ATP6V1C1: variants seen among roughly 807,000 people sequenced by gnomAD.
The protein encoded by ATP6V1C1 is ATPase H+ transporting V1 subunit C1.
In ATP6V1C1, 45 loss-of-function variants were observed where a neutral mutation model predicts 53.9. The observed-to-expected ratio is 0.83, with a 90% CI of 0.66 to 1.07. The LOEUF (loss-of-function observed/expected upper bound fraction) is 1.07, where lower values mean the gene tolerates loss of function less well. Ranked by LOEUF, ATP6V1C1 falls within the 50% of genes least tolerant of loss-of-function variation. The pLI is 0.00. For synonymous variants in ATP6V1C1, 153 were observed against 155.2 expected, an observed-to-expected ratio of 0.99 and a Z score of 0.11; for missense variants, 315 against 440.3, an observed-to-expected ratio of 0.72 and a Z score of 2.55.
At chr8:103,033,789 A>G (rs1310378640) in intron 1 of ATP6V1C1, among the ~76,000 whole-genome samples, 1 of 152,176 alleles carries the variant, frequency 6.6e-6, no homozygotes, top group Non-Finnish European at 1.5e-5. Context: ...TTCTCTAACT[A>G]CTAAGTGAGT....
chr8:103,040,686 C>T, intron 1 of ATP6V1C1, 112 bp from the exon 2 acceptor site: 1 of 897,224 alleles, frequency 1.1e-6, no homozygotes, highest in South Asian at 2.2e-5. Flanking sequence ...CCTATGCCAA[C>T]ATTAGATTAG....
intron 3 of ATP6V1C1, among the ~76,000 whole-genome samples, chr8:103,047,428 G>GCACACA (rs1377123398): frequency 7.9e-4 from 93 of 117,554 alleles, no homozygotes; most frequent in Middle Eastern, 4.3e-3. Context: ...AAAAATGCGC[G>GCACACA]CGCACACACA....
chr8:103,040,914 T>C lies in ATP6V1C1; in HGVS notation c.78T>C (p.Thr26=). The C allele has an allele frequency of 6.2e-7, 1 of 1,614,094 alleles. No individual in the cohort carries two copies. Among genetic ancestry groups the C allele is most frequent in the Non-Finnish European group, 8.5e-7 (1 of 1,179,988 alleles). Residue 26 remains threonine, a synonymous_variant, in exon 2 of 13, where the codon ACT becomes ACC. Transcript: ENST00000518738. ...CATGGGAGAAATTGCATGCGGCAACTTCAAAGAACAATAATCTTGCTGTCA... is the reference window on the plus strand; with the variant it reads ...CATGGGAGAAATTGCATGCGGCAACCTCAAAGAACAATAATCTTGCTGTCA... ...QQTWEKLHAA[T]SKNNNLAVTS...
rs746653614 is a variant in ATP6V1C1, at chr8:103,042,351, G to A, written c.144G>A (p.Leu48=). Residue 48 remains leucine, a synonymous_variant, in exon 3 of 13, where the codon TTG becomes TTA. Transcript: ENST00000518738. The stretch of plus-strand genomic sequence containing the variant: ...TATTTTCCTTTTAGGTTGGCACGTT[G>A]GATGTCTTGGTTGGCTTGTCAGATG... ...FNIPDLKVGT[L]DVLVGLSDEL... 1 of 1,613,666 alleles carries A rather than the reference G, an allele frequency of 6.2e-7. No homozygotes were observed. Among genetic ancestry groups the A allele is most frequent in the South Asian group, 1.1e-5 (1 of 91,052 alleles).
chr8:103,064,857 T>A (rs1389869717), intron 11 of ATP6V1C1, 46 bp downstream of exon 11: 1 of 1,539,548 alleles, frequency 6.5e-7, no homozygotes. Context: ...AGTTCATAGA[T>A]TCCTTACATT....
intron 12 of ATP6V1C1, among the ~76,000 whole-genome samples, chr8:103,067,077 T>G (rs994372503): frequency 1.3e-5 from 2 of 152,152 alleles, no homozygotes; most frequent in Admixed American, 1.3e-4. Flanking sequence ...ACAGAGTTAC[T>G]TGTGTTTTTT....
At chr8:103,033,945 A>G (rs1816845016) in intron 1 of ATP6V1C1, among the ~76,000 whole-genome samples, 1 of 152,212 alleles carries the variant, frequency 6.6e-6, no homozygotes, top group East Asian at 1.9e-4. Flanking sequence ...GTAGGACTAC[A>G]TATTGGGGAA....
chr8:103,055,781 T>G, intron 7 of ATP6V1C1, 87 bp from the exon 8 acceptor site: 1 of 1,272,516 alleles, frequency 7.9e-7, no homozygotes, highest in Non-Finnish European at 1.1e-6. Context: ...AGATTTCCTA[T>G]TTGTCTCATA....
chr8:103,048,633 T>C (rs1256788085), intron 3 of ATP6V1C1, among the ~76,000 whole-genome samples: 1 of 152,228 alleles, frequency 6.6e-6, no homozygotes, highest in Non-Finnish European at 1.5e-5. Flanking sequence ...AGGAGACACA[T>C]TGCATGTAGT....
In ATP6V1C1 at chr8:103,054,797, A is replaced by G. The variant is rs147576692; in HGVS notation, c.572+815A>G. Among the ~76,000 whole-genome samples, 731 of 152,220 alleles carry G rather than the reference A, an allele frequency of 4.8e-3. 4 individuals are homozygous for G. The highest frequency in any genetic ancestry group is 0.017 in the African/African-American group (689 of 41,558). On this transcript the variant is annotated intron_variant, in intron 7 of 12. Coordinates refer to ENST00000518738, the MANE Select transcript of ATP6V1C1 (RefSeq NM_001695.5). ...CTATCAGGGAATGTTTGGGGGATCC[A>G]AACTCAGGTGGGAGATTTGGGTCTT...
At chr8:103,054,004 G>C (rs1817246175) in intron 7 of ATP6V1C1, 22 bp downstream of exon 7, 2 of 1,550,500 alleles carry the variant, frequency 1.3e-6, no homozygotes, top group South Asian at 2.4e-5. Flanking sequence ...TATTATAAAA[G>C]GTTTTACTTG....
chr8:103,039,675 C>T (rs1375135373), intron 1 of ATP6V1C1, among the ~76,000 whole-genome samples: 1 of 152,048 alleles, frequency 6.6e-6, no homozygotes, highest in African/African-American at 2.4e-5. Context: ...GCTTTACCTA[C>T]CTAGATTCTG....
chr8:103,066,244 G>T, intron 11 of ATP6V1C1, 77 bp from the exon 12 acceptor site: 1 of 1,490,198 alleles, frequency 6.7e-7, no homozygotes, highest in South Asian at 1.3e-5. Flanking sequence ...TAAAGAGTAT[G>T]AGAATATTTG....
At chr8:103,061,570 A>T (rs947470462) in intron 8 of ATP6V1C1, among the ~76,000 whole-genome samples, 11 of 152,160 alleles carry the variant, frequency 7.2e-5, no homozygotes, top group Non-Finnish European at 1.6e-4. Context: ...ACAACCAACA[A>T]AAGGGCACAA....
At chr8:103,059,238 C>T (rs1817349291) in intron 8 of ATP6V1C1, among the ~76,000 whole-genome samples, 1 of 152,146 alleles carries the variant, frequency 6.6e-6, no homozygotes, top group African/African-American at 2.4e-5. Context: ...GGTCTGTTCT[C>T]CTGTCAGTAC....
Position 103,071,619 on chromosome 8 carries a change from GTTTTGTTTTT to G in ATP6V1C1, c.*2873_*2882del, listed in dbSNP as rs1411688825. On this transcript the variant is annotated 3_prime_UTR_variant, in exon 13 of 13. Coordinates refer to ENST00000518738, the MANE Select transcript of ATP6V1C1 (RefSeq NM_001695.5). ...TGCTATTTTTGTTTTGTTTTGTTTT[GTTTTGTTTTT>G]GAGACAAGGTCTTGCTCTGTCACCC... The G allele has an allele frequency of 3.3e-5, 5 of 152,464 alleles. No homozygotes were observed. The allele number at this position is 152,464 out of a possible 1,614,324, so 9.4% of individuals were successfully genotyped here. A position where few individuals can be genotyped will look rare whatever the true frequency, so the allele number is the denominator to read the frequency against.
intron 1 of ATP6V1C1, among the ~76,000 whole-genome samples, chr8:103,039,665 G>A (rs563548044): frequency 1.3e-5 from 2 of 151,994 alleles, no homozygotes; most frequent in South Asian, 4.1e-4. Flanking sequence ...GTGTTTATGT[G>A]CTTTACCTAC....
intron 1 of ATP6V1C1, among the ~76,000 whole-genome samples, chr8:103,028,936 T>C (rs1365525043): frequency 6.6e-6 from 1 of 152,202 alleles, no homozygotes; most frequent in African/African-American, 2.4e-5. Flanking sequence ...AACTTTTCAG[T>C]GTTTTCAAAT....
rs113460183 is a variant in ATP6V1C1 at position 103,023,771 on chromosome 8, G to A, written c.-40+2546G>A. ...CACGTAAAGTGATTTGGCTGAGTCC[G>A]GAGTAACTGCCACAGTTTTCTGACT... On this transcript the variant is annotated intron_variant, in intron 1 of 12. Transcript: ENST00000518738. 7.4e-3 allele frequency among the ~76,000 whole-genome samples: 1,130 copies of A among 152,262 alleles called. 19 individuals carry two copies. Among genetic ancestry groups the A allele is most frequent in the African/African-American group, 0.026 (1,086 of 41,552 alleles).
Sources: gnomAD v4.1 joint callset for allele counts (sites outside exome capture counted in the v4.1 genomes callset) on GRCh38, gnomAD v4.1.1 for gene constraint, MANE v1.5 for transcripts, NCBI Gene and HGNC (gene_info 2026-07-23, HGNC 2026-07-21) for gene names.